EPHB1: variants seen among roughly 807,000 people sequenced by gnomAD.
EPHB1 encodes the protein EPH receptor B1.
Under a neutral mutation model 94.4 loss-of-function variants are expected in EPHB1, and 30 were observed. That is an observed-to-expected ratio of 0.32 (90% CI 0.24 to 0.43). The LOEUF is 0.43. EPHB1 is among the 20% of genes least tolerant of loss of function. EPHB1 has a pLI of 1.00. For missense variants in EPHB1, 1,055 were observed against 1,308.3 expected, an observed-to-expected ratio of 0.81 and a Z score of 2.99; for synonymous variants, 522 against 489.1, an observed-to-expected ratio of 1.07 and a Z score of -0.89.
rs747577456 is a variant in EPHB1 at position 135,131,276 on chromosome 3, G to A, written c.962-1438G>A. ...TTTCTTTCAAGTTTTAATAGAACCC[G>A]ATTTAATATTTGCTTTCTGCTCTAG... On this transcript the variant is annotated intron_variant, in intron 4 of 15. Transcript: ENST00000398015. Among the ~76,000 whole-genome samples, 12 of 152,190 alleles carry A rather than the reference G, an allele frequency of 7.9e-5. No individual in the cohort carries two copies. The South Asian group carries it at 8.3e-4, about 10-fold the overall frequency.
chr3:134,978,540 A>G (rs1416362255), intron 3 of EPHB1, among the ~76,000 whole-genome samples: 1 of 151,918 alleles, frequency 6.6e-6, no homozygotes, highest in Non-Finnish European at 1.5e-5. Flanking sequence ...TTCATGCTCC[A>G]ATGTCACCTA....
chr3:135,074,245 A>G (rs918808013), intron 3 of EPHB1, among the ~76,000 whole-genome samples: 2 of 152,242 alleles, frequency 1.3e-5, no homozygotes, highest in African/African-American at 2.4e-5. Flanking sequence ...ACATTCTCCA[A>G]TTGATCAGTG....
intron 3 of EPHB1, chr3:135,067,994 C>A (rs567623744): frequency 6.6e-6 from 1 of 152,240 alleles, no homozygotes; most frequent in Admixed American, 6.5e-5. Flanking sequence ...GTCAGAGGAT[C>A]CCACTGCAAG....
intron 10 of EPHB1, among the ~76,000 whole-genome samples, chr3:135,180,987 C>T (rs1942138137): frequency 6.6e-6 from 1 of 152,048 alleles, no homozygotes; most frequent in Admixed American, 6.6e-5. Flanking sequence ...CATGGAATTG[C>T]CTCTCTCAAT....
chr3:134,912,624 A>G (rs1461048928), intron 1 of EPHB1, among the ~76,000 whole-genome samples: 1 of 152,178 alleles, frequency 6.6e-6, no homozygotes, highest in Non-Finnish European at 1.5e-5. Context: ...CCTTGGATAG[A>G]AGCCTGCCTA....
At chr3:134,974,801 C>T (rs1463922004) in intron 3 of EPHB1, among the ~76,000 whole-genome samples, 1 of 143,642 alleles carries the variant, frequency 7.0e-6, no homozygotes, top group East Asian at 2.0e-4. Flanking sequence ...CAAAGCAGTC[C>T]GCAGTCCCAT....
intron 1 of EPHB1, among the ~76,000 whole-genome samples, chr3:134,855,966 A>G (rs2037107200): frequency 6.6e-6 from 1 of 152,194 alleles, no homozygotes; most frequent in South Asian, 2.1e-4. Flanking sequence ...ATTCAAGGTC[A>G]TGTAGCTACT....
intron 1 of EPHB1, among the ~76,000 whole-genome samples, chr3:134,835,247 T>A (rs2036651698): frequency 6.6e-6 from 1 of 152,072 alleles, no homozygotes; most frequent in Non-Finnish European, 1.5e-5. Context: ...CCATTGGAGG[T>A]GGTGGAAACT....
chr3:134,928,315 A>G (rs976972821), intron 2 of EPHB1, among the ~76,000 whole-genome samples: 4 of 152,198 alleles, frequency 2.6e-5, no homozygotes, highest in Non-Finnish European at 4.4e-5. Flanking sequence ...AGGTCTTCTC[A>G]GTGCCAGGGA....
intron 1 of EPHB1, among the ~76,000 whole-genome samples, chr3:134,855,502 T>A (rs2037093488): frequency 6.6e-6 from 1 of 152,142 alleles, no homozygotes; most frequent in Admixed American, 6.5e-5. Flanking sequence ...TACATGGTGA[T>A]AAAGATGTAG....
At chr3:135,169,001 G>A (rs1427931238) in intron 9 of EPHB1, among the ~76,000 whole-genome samples, 1 of 152,274 alleles carries the variant, frequency 6.6e-6, no homozygotes, top group East Asian at 1.9e-4. Flanking sequence ...AACATTGGGT[G>A]GGGTGAAACT....
In EPHB1 at chr3:134,951,699, T is replaced by C. The variant is rs140725416; in HGVS notation, c.452T>C (p.Phe151Ser). ...GATGAGAGCTTCTCCCAGGTGGACT[T>C]TGGGGGAAGGCTGATGAAGGTAAAC... Reference protein sequence around the residue: ...AADESFSQVDFGGRLMKVNTE... With the variant: ...AADESFSQVDSGGRLMKVNTE... Residue 151 changes from phenylalanine to serine, a missense_variant, in exon 3 of 16, where the codon TTT becomes TCT. Phe to Ser is a radical substitution (Grantham distance 155). Transcript: ENST00000398015. The surrounding 1 kb of genome is among the most constrained non-coding windows in gnomAD (Gnocchi z 4.5). 1.9e-6 allele frequency: 3 copies of C among 1,613,918 alleles called. No individual in the cohort carries two copies. Among genetic ancestry groups the C allele is most frequent in the African/African-American group, 1.3e-5 (1 of 74,892 alleles).
At chr3:134,960,320 C>G (rs1363221422) in intron 3 of EPHB1, among the ~76,000 whole-genome samples, 1 of 151,934 alleles carries the variant, frequency 6.6e-6, no homozygotes, top group Non-Finnish European at 1.5e-5. Flanking sequence ...ATTTTGCCAA[C>G]AGGTCTTTGA....
chr3:135,240,226 CTTGAGGGCAGGGACA>C (rs1308305353), intron 12 of EPHB1, among the ~76,000 whole-genome samples: 2 of 152,172 alleles, frequency 1.3e-5, no homozygotes, highest in Non-Finnish European at 2.9e-5. Flanking sequence ...TCCTGTTCAG[CTTGAGGGCAGGGACA>C]CTGGCTTATT....
chr3:134,973,093 TG>T (rs1934041749), intron 3 of EPHB1, among the ~76,000 whole-genome samples: 1 of 152,202 alleles, frequency 6.6e-6, no homozygotes, highest in Non-Finnish European at 1.5e-5. Flanking sequence ...TAGATAAATC[TG>T]GCACAGTTAC....
Position 135,201,495 on chromosome 3 carries a change from G to A in EPHB1, c.2152G>A (p.Val718Met), listed in dbSNP as rs141607080. ...ACAGCAAAATGACGGGCAGTTCACC[G>A]TGATCCAGCTTGTGGGTATGCTCAG... ...FLRQNDGQFT[V>M]IQLVGMLRGI... is the part of the protein sequence containing the mutation. Residue 718 changes from valine (V) to methionine (M), a missense_variant, in exon 12 of 16, where the codon GTG becomes ATG. By Grantham distance (21) the Val-to-Met change is conservative. Coordinates refer to ENST00000398015, the MANE Select transcript of EPHB1 (RefSeq NM_004441.5). 228 of 1,614,028 alleles carry A rather than the reference G, an allele frequency of 1.4e-4. No individual in the cohort carries two copies. Among genetic ancestry groups the A allele is most frequent in the African/African-American group, 6.4e-4 (48 of 75,004 alleles).
chr3:135,017,954 TGCTGTTGTG>T (rs917931677), intron 3 of EPHB1, among the ~76,000 whole-genome samples: 3 of 152,014 alleles, frequency 2.0e-5, no homozygotes, highest in African/African-American at 7.2e-5. Context: ...TCACTGCAGC[TGCTGTTGTG>T]GCTGGGGAGG....
intron 3 of EPHB1, among the ~76,000 whole-genome samples, chr3:134,963,600 A>G (rs536276159): frequency 2.0e-5 from 3 of 152,228 alleles, no homozygotes; most frequent in Non-Finnish European, 4.4e-5. Context: ...ACAGAGCTTT[A>G]TGAGGTACAT....
intron 1 of EPHB1, among the ~76,000 whole-genome samples, chr3:134,816,998 C>A (rs1025541637): frequency 6.6e-6 from 1 of 152,070 alleles, no homozygotes; most frequent in Non-Finnish European, 1.5e-5. Flanking sequence ...AGGACTTCCT[C>A]CCATCTCACC....
Sources: gnomAD v4.1 joint callset for allele counts (sites outside exome capture counted in the v4.1 genomes callset) on GRCh38, gnomAD v4.1.1 for gene constraint, Gnocchi (gnomAD v3.1) non-coding constraint, MANE v1.5 for transcripts, NCBI Gene and HGNC (gene_info 2026-07-23, HGNC 2026-07-21) for gene names.